Variants in LGR4 observed in about 807,000 individuals in gnomAD.
The protein encoded by LGR4 is leucine-rich repeat-containing G protein-coupled receptor 4.
In LGR4, 44 loss-of-function variants were observed where a neutral mutation model predicts 84.8. That is an observed-to-expected ratio of 0.52 (90% CI 0.41 to 0.67). The LOEUF (loss-of-function observed/expected upper bound fraction) is 0.67, where lower values mean the gene tolerates loss of function less well. Ranked by LOEUF, LGR4 falls within the 30% of genes least tolerant of loss-of-function variation. LGR4 has a pLI of 0.00. For synonymous variants in LGR4, 429 were observed against 434.3 expected (o/e 0.99, Z 0.15); for missense variants, 1,032 against 1,131.4 (o/e 0.91, Z 1.26).
chr11:27,449,358 T>C (rs1050580338), intron 1 of LGR4, among the ~76,000 whole-genome samples: 2 of 152,108 alleles, frequency 1.3e-5, no homozygotes, highest in East Asian at 1.9e-4. Flanking sequence ...CGAGGTAAGA[T>C]GATCATTTGA....
intron 1 of LGR4, among the ~76,000 whole-genome samples, chr11:27,427,184 T>C (rs1864036928): frequency 6.6e-6 from 1 of 152,216 alleles, no homozygotes; most frequent in South Asian, 2.1e-4. Context: ...GGATGTATTA[T>C]TGATGGTAGT....
chr11:27,409,923 C>T (rs897659494), intron 2 of LGR4, among the ~76,000 whole-genome samples: 1 of 152,090 alleles, frequency 6.6e-6, no homozygotes, highest in African/African-American at 2.4e-5. Context: ...CACGTCTTCA[C>T]TATGATGCAA....
At chr11:27,378,893 A>G in intron 10 of LGR4, 125 bp from the exon 11 acceptor site, 2 of 643,988 alleles carry the variant, frequency 3.1e-6, no homozygotes, top group Non-Finnish European at 5.4e-6. Context: ...CCCATGGCCT[A>G]ATTATTCCAT....
chr11:27,403,345 A>G lies in LGR4; in HGVS notation c.257+9444T>C, dbSNP rs143516565. On this transcript the variant is annotated intron_variant, in intron 2 of 17. Transcript: ENST00000379214. ...GCATGGTGGCATGTGCCAGCTACTC[A>G]GGAAGCTGAGGTGGGAGGATCTCTT... 3.1e-3 allele frequency among the ~76,000 whole-genome samples: 477 copies of G among 152,280 alleles called. 4 individuals carry two copies. The highest frequency in any genetic ancestry group is 0.011 in the African/African-American group (450 of 41,566).
chr11:27,403,775 A>G (rs144953468), intron 2 of LGR4, among the ~76,000 whole-genome samples: 691 of 152,354 alleles, frequency 4.5e-3, no homozygotes, highest in Non-Finnish European at 8.1e-3. Context: ...TTTAAAAAAC[A>G]GTATCCACTT....
intron 1 of LGR4, among the ~76,000 whole-genome samples, chr11:27,461,261 C>T (rs926432167): frequency 1.3e-5 from 2 of 151,498 alleles, no homozygotes; most frequent in East Asian, 1.9e-4. Flanking sequence ...CCAGCACTTT[C>T]AGAGGCTGAG....
intron 1 of LGR4, among the ~76,000 whole-genome samples, chr11:27,424,417 T>G (rs1246882549): frequency 6.6e-6 from 1 of 152,114 alleles, no homozygotes; most frequent in Non-Finnish European, 1.5e-5. Context: ...GATGACTGCT[T>G]AAGCCTGGGA....
intron 6 of LGR4, among the ~76,000 whole-genome samples, chr11:27,382,989 C>A (rs2133371275): frequency 6.6e-6 from 1 of 152,116 alleles, no homozygotes; most frequent in East Asian, 1.9e-4. Context: ...TGCACTCCAG[C>A]CTGGTGACAA....
chr11:27,455,457 T>A (rs1236775982), intron 1 of LGR4, among the ~76,000 whole-genome samples: 1 of 152,232 alleles, frequency 6.6e-6, no homozygotes, highest in Non-Finnish European at 1.5e-5. Flanking sequence ...AACTACCATG[T>A]CTATAAACAG....
Position 27,385,336 on chromosome 11 carries a change from G to C in LGR4, c.534C>G (p.Thr178=). 1 of 1,611,418 alleles carries C rather than the reference G, an allele frequency of 6.2e-7. No individual in the cohort carries two copies. Among genetic ancestry groups the C allele is most frequent in the South Asian group, 1.1e-5 (1 of 90,166 alleles). The change falls in exon 5 of 18, where the codon ACC becomes ACG. Residue 178 remains threonine, a synonymous_variant. Transcript: ENST00000379214. The part of the protein sequence containing the change: ...VPVHPLSNLP[T]LQALTLALNK... ...TGAGAGCCAGGGTCAGCGCCTGTAG[G>C]GTGGGCAGATTGCTGAGGGGGTGCA...
intron 1 of LGR4, among the ~76,000 whole-genome samples, chr11:27,417,606 A>C (rs537564083): frequency 7.9e-4 from 121 of 152,310 alleles, no homozygotes; most frequent in African/African-American, 2.7e-3. Context: ...GGGGCAAGTA[A>C]TCTCATTTTC....
chr11:27,432,598 T>C (rs560485735), intron 1 of LGR4, among the ~76,000 whole-genome samples: 5 of 152,178 alleles, frequency 3.3e-5, no homozygotes, highest in Non-Finnish European at 5.9e-5. Flanking sequence ...TACCTAGAAC[T>C]TACAGACAGC....
chr11:27,472,159 C>T lies in LGR4; in HGVS notation c.144G>A (p.Leu48=), dbSNP rs2133468782. Residue 48 remains leucine, a synonymous_variant, in exon 1 of 18, where the codon CTG becomes CTA. Coordinates refer to ENST00000379214, the MANE Select transcript of LGR4 (RefSeq NM_018490.5). ...DRRVDCSGKG[L]TAVPEGLSAF... ...CGCTGAGCCCCTCGGGCACGGCCGT[C>T]AGCCCCTTCCCGGAGCAGTCCACCC... is the stretch of plus-strand genomic sequence containing the variant. 3 of 1,416,038 alleles carry T rather than the reference C, an allele frequency of 2.1e-6. No individual in the cohort carries two copies. In the South Asian group the frequency reaches 4.2e-5, roughly 20 times the overall value. 87.7% of individuals were successfully genotyped at this position (1,416,038 alleles called of 1,614,324 possible). A position where few individuals can be genotyped will look rare whatever the true frequency, so the allele number is the denominator to read the frequency against.
chr11:27,439,790 G>A (rs867947463), intron 1 of LGR4, among the ~76,000 whole-genome samples: 3 of 151,890 alleles, frequency 2.0e-5, no homozygotes, highest in Non-Finnish European at 2.9e-5. Context: ...ATTTTATGAA[G>A]CAGGTAGTGA....
intron 2 of LGR4, among the ~76,000 whole-genome samples, chr11:27,406,154 T>C (rs1406131144): frequency 6.6e-6 from 1 of 151,406 alleles, no homozygotes; most frequent in Non-Finnish European, 1.5e-5. Flanking sequence ...TAACTCCCCC[T>C]ATCCCCTCTA....
At chr11:27,369,973 C>T (rs1862849567) in intron 17 of LGR4, among the ~76,000 whole-genome samples, 1 of 152,172 alleles carries the variant, frequency 6.6e-6, no homozygotes, top group African/African-American at 2.4e-5. Flanking sequence ...CTACATAATA[C>T]AAACTAGCAT....
chr11:27,465,541 A>G (rs1179571228), intron 1 of LGR4, among the ~76,000 whole-genome samples: 3 of 152,238 alleles, frequency 2.0e-5, no homozygotes, highest in African/African-American at 7.2e-5. Flanking sequence ...AAGTTTAATA[A>G]CGAATATTTG....
At chr11:27,433,351 C>T (rs1379815167) in intron 1 of LGR4, among the ~76,000 whole-genome samples, 5 of 152,006 alleles carry the variant, frequency 3.3e-5, no homozygotes, top group Non-Finnish European at 7.4e-5. Context: ...TAGTTGGGAC[C>T]ACAGGCGCCT....
At position 27,472,254 on chromosome 11, in the gene LGR4, C is replaced by CGAGCAGCCCCAGGGCGAGGAAGCA; in HGVS notation, c.25_48dup (p.Cys9_Leu16dup). 2 of 1,310,828 alleles carry CGAGCAGCCCCAGGGCGAGGAAGCA rather than the reference C, an allele frequency of 1.5e-6. No homozygotes were observed. Among genetic ancestry groups the CGAGCAGCCCCAGGGCGAGGAAGCA allele is most frequent in the East Asian group, 6.6e-5 (2 of 30,380 alleles). The allele number at this position is 1,310,828 out of a possible 1,614,324, so 81.2% of individuals were successfully genotyped here. ...GCCGCGCCGCTGGGCCCGGCCGAGCCGAGCAGCCCCAGGGCGAGGAAGCAG... is the reference window on the plus strand; with the variant it reads ...GCCGCGCCGCTGGGCCCGGCCGAGCCGAGCAGCCCCAGGGCGAGGAAGCAGAGCAGCCCCAGGGCGAGGAAGCAG... On this transcript the variant is annotated inframe_insertion, in exon 1 of 18. Coordinates refer to ENST00000379214, the MANE Select transcript of LGR4 (RefSeq NM_018490.5).
Sources: allele counts gnomAD v4.1 joint callset (sites outside exome capture counted in the v4.1 genomes callset), GRCh38; gene constraint gnomAD v4.1.1; transcripts MANE v1.5; gene names NCBI Gene and HGNC (gene_info 2026-07-23, HGNC 2026-07-21).